Variants in PRKCA observed in about 807,000 individuals in gnomAD.
PRKCA encodes protein kinase C alpha.
In PRKCA, 27 loss-of-function variants were observed where a neutral mutation model predicts 87.0. That is an observed-to-expected ratio of 0.31 (90% CI 0.23 to 0.43). PRKCA has a LOEUF of 0.43. PRKCA is among the 20% of genes least tolerant of loss of function. PRKCA has a pLI of 1.00. For missense variants in PRKCA, 518 were observed against 852.3 expected (o/e 0.61, Z 4.88); for synonymous variants, 329 against 311.1 (o/e 1.06, Z -0.61).
At chr17:66,659,787 T>C (rs1971841112) in intron 5 of PRKCA, among the ~76,000 whole-genome samples, 1 of 152,018 alleles carries the variant, frequency 6.6e-6, no homozygotes, top group Non-Finnish European at 1.5e-5. Context: ...TGTGCTGGGG[T>C]CCGTGCACCC....
At position 66,333,789 on chromosome 17, in the gene PRKCA, C is replaced by T. The variant is rs554777554; in HGVS notation, c.205+27662C>T. 4.7e-4 allele frequency among the ~76,000 whole-genome samples: 71 copies of T among 152,112 alleles called. 1 individual carries two copies. The highest frequency in any genetic ancestry group is 2.1e-4 in the South Asian group (1 of 4,828). ...AGTAGAAGTAGGTCTAGTCTTTCTT[C>T]CTACTGGAGGGTAACTTCGGAGAGT... On this transcript the variant is annotated intron_variant, in intron 2 of 16. Coordinates refer to ENST00000413366, the MANE Select transcript of PRKCA (RefSeq NM_002737.3).
chr17:66,754,085 C>T (rs972046759), intron 13 of PRKCA, among the ~76,000 whole-genome samples: 6 of 151,948 alleles, frequency 3.9e-5, no homozygotes, highest in South Asian at 2.1e-4. Context: ...ATTCTTGTCC[C>T]GGCTCCCTCA....
chr17:66,393,535 C>T lies in PRKCA; in HGVS notation c.205+87408C>T, dbSNP rs986688541. On this transcript the variant is annotated intron_variant, in intron 2 of 16. Coordinates refer to ENST00000413366, the MANE Select transcript of PRKCA (RefSeq NM_002737.3). ...GATGGGACGGCCTGTCGTTTCCTGACGTTGACTGACTTGAGTGCAAGACCC... is the reference window on the plus strand; with the variant it reads ...GATGGGACGGCCTGTCGTTTCCTGATGTTGACTGACTTGAGTGCAAGACCC... Among the ~76,000 whole-genome samples the T allele has an allele frequency of 3.9e-5, 6 of 152,274 alleles. No homozygotes were observed. In the South Asian group the frequency reaches 6.2e-4, roughly 16 times the overall value.
intron 2 of PRKCA, among the ~76,000 whole-genome samples, chr17:66,352,903 G>A (rs1028302310): frequency 3.9e-5 from 6 of 151,974 alleles, no homozygotes; most frequent in Non-Finnish European, 7.4e-5. Context: ...GGGAAGTGGC[G>A]AAGAATGGTA....
intron 5 of PRKCA, among the ~76,000 whole-genome samples, chr17:66,660,665 G>A (rs533245800): frequency 1.1e-3 from 170 of 152,182 alleles, no homozygotes; most frequent in African/African-American, 1.7e-4. Flanking sequence ...CGAGGCGGGC[G>A]GATCACGAGG....
chr17:66,440,424 T>C (rs1352699340), intron 2 of PRKCA, among the ~76,000 whole-genome samples: 1 of 152,258 alleles, frequency 6.6e-6, no homozygotes, highest in Non-Finnish European at 1.5e-5. Flanking sequence ...AGTCAGCACA[T>C]GTCTCCATCT....
rs558166920 is a variant in PRKCA, at chr17:66,419,052, C to T, written c.206-77149C>T. 2.6e-5 allele frequency among the ~76,000 whole-genome samples: 4 copies of T among 152,190 alleles called. No homozygotes were observed. The South Asian group carries it at 8.3e-4, about 32-fold the overall frequency. On this transcript the variant is annotated intron_variant, in intron 2 of 16. Transcript: ENST00000413366. Reference sequence around the variant, plus strand: ...GGGATTACAGGCTTGAGCCACTGCACCTGGCCTCAGCATTTTTTGAGTGTT... The same window carrying T: ...GGGATTACAGGCTTGAGCCACTGCATCTGGCCTCAGCATTTTTTGAGTGTT...
At chr17:66,426,785 A>T (rs1256384029) in intron 2 of PRKCA, among the ~76,000 whole-genome samples, 1 of 152,152 alleles carries the variant, frequency 6.6e-6, no homozygotes, top group Non-Finnish European at 1.5e-5. Context: ...GGACACAAAG[A>T]AGAGGTTGTT....
chr17:66,588,921 A>C (rs1164393251), intron 3 of PRKCA, among the ~76,000 whole-genome samples: 1 of 152,092 alleles, frequency 6.6e-6, no homozygotes, highest in Non-Finnish European at 1.5e-5. Context: ...GATTACAGAC[A>C]TGAGCCACTG....
At chr17:66,679,112 C>T (rs1466403594) in intron 5 of PRKCA, among the ~76,000 whole-genome samples, 1 of 152,014 alleles carries the variant, frequency 6.6e-6, no homozygotes, top group South Asian at 2.1e-4. Flanking sequence ...ACTGGAGCAC[C>T]CCAGTGTACT....
chr17:66,444,645 A>C (rs1687311861), intron 2 of PRKCA, among the ~76,000 whole-genome samples: 1 of 152,058 alleles, frequency 6.6e-6, no homozygotes, highest in Non-Finnish European at 1.5e-5. Context: ...CACAAGGCTT[A>C]TCTTTGAGGC....
chr17:66,552,585 G>C (rs1968371568), intron 3 of PRKCA, among the ~76,000 whole-genome samples: 1 of 152,178 alleles, frequency 6.6e-6, no homozygotes, highest in African/African-American at 2.4e-5. Flanking sequence ...GCTGGACTTT[G>C]CCCTCAGTTC....
intron 3 of PRKCA, among the ~76,000 whole-genome samples, chr17:66,567,797 A>G (rs1407029141): frequency 6.6e-6 from 1 of 152,252 alleles, no homozygotes; most frequent in Non-Finnish European, 1.5e-5. Flanking sequence ...GGTTTATTTA[A>G]GAACGATTTG....
At chr17:66,566,562 A>G (rs1968908383) in intron 3 of PRKCA, among the ~76,000 whole-genome samples, 1 of 126,126 alleles carries the variant, frequency 7.9e-6, no homozygotes, top group African/African-American at 3.0e-5. Flanking sequence ...GTTGTATTTG[A>G]TGGGACTTAG....
intron 5 of PRKCA, among the ~76,000 whole-genome samples, chr17:66,655,852 CAT>C (rs1232816595): frequency 8.8e-6 from 1 of 113,338 alleles, no homozygotes; most frequent in Non-Finnish European, 1.8e-5. Context: ...TAACCCAATT[CAT>C]AAAGCCACAT....
Position 66,457,640 on chromosome 17 carries a change from G to A in PRKCA, c.206-38561G>A, listed in dbSNP as rs976758083. On this transcript the variant is annotated intron_variant, in intron 2 of 16. Transcript: ENST00000413366. ...GGGTAGTTACCTCCATGCTGTTCTC[G>A]TGATAGTGAGTTCTCATGAGATTTG... 3.3e-5 allele frequency among the ~76,000 whole-genome samples: 5 copies of A among 152,156 alleles called. No individual in the cohort carries two copies. In the East Asian group the frequency reaches 5.8e-4, roughly 18 times the overall value.
intron 14 of PRKCA, chr17:66,774,757 GTAT>G: frequency 1.0e-6 from 1 of 985,514 alleles, no homozygotes; most frequent in African/African-American, 1.7e-5. Flanking sequence ...TGTGTAATTA[GTAT>G]TATTATTTAA....
intron 5 of PRKCA, among the ~76,000 whole-genome samples, chr17:66,654,912 C>T (rs868148768): frequency 7.2e-5 from 11 of 152,302 alleles, no homozygotes; most frequent in South Asian, 2.1e-4. Flanking sequence ...ATGTGAGTTG[C>T]GTGGGCATGT....
intron 7 of PRKCA, 28 bp downstream of exon 7, chr17:66,688,464 T>C (rs1419551144): frequency 1.9e-6 from 3 of 1,613,458 alleles, no homozygotes; most frequent in Middle Eastern, 1.6e-4. Context: ...GTTGAGTATG[T>C]CTCAAAGCAT....
Sources: gnomAD v4.1 joint callset for allele counts (sites outside exome capture counted in the v4.1 genomes callset) on GRCh38, gnomAD v4.1.1 for gene constraint, MANE v1.5 for transcripts, NCBI Gene and HGNC (gene_info 2026-07-23, HGNC 2026-07-21) for gene names.